Variants in ZNF331 observed in about 807,000 individuals in gnomAD.
ZNF331 encodes the protein zinc finger protein 331, also known as C2H2-like zinc finger protein rearranged in thyroid adenomas.
Under a neutral mutation model 7.0 loss-of-function variants are expected in ZNF331, and 2 were observed. The observed-to-expected ratio is 0.29, with a 90% confidence interval of 0.12 to 0.90. The LOEUF (loss-of-function observed/expected upper bound fraction) is 0.90, where lower values mean the gene tolerates loss of function less well. ZNF331 is among the 40% of genes least tolerant of loss of function. ZNF331 has a pLI of 0.58. For missense variants in ZNF331, 432 were observed against 587.7 expected, an observed-to-expected ratio of 0.74 and a Z score of 2.74; for synonymous variants, 196 against 205.4, an observed-to-expected ratio of 0.95 and a Z score of 0.39.
chr19:53,551,351 T>A (rs2088997268), intron 2 of ZNF331, among the ~76,000 whole-genome samples: 1 of 152,206 alleles, frequency 6.6e-6, no homozygotes, highest in Admixed American at 6.5e-5. Flanking sequence ...CTTTTGTTTC[T>A]GGAACATTAA....
chr19:53,544,254 G>T (rs987049296), intron 2 of ZNF331, among the ~76,000 whole-genome samples: 1 of 147,082 alleles, frequency 6.8e-6, no homozygotes, highest in Non-Finnish European at 1.5e-5. Context: ...AATAAGAATC[G>T]ATATTATTAG....
intron 2 of ZNF331, among the ~76,000 whole-genome samples, chr19:53,540,582 G>A (rs113854647): frequency 4.6e-5 from 7 of 152,108 alleles, no homozygotes; most frequent in South Asian, 2.1e-4. Context: ...ACAGGCACAT[G>A]TCACCATCCG....
the ZNF331 span, among the ~76,000 whole-genome samples, chr19:53,511,366 G>A: frequency 1.3e-5 from 2 of 151,746 alleles, no homozygotes; most frequent in African/African-American, 4.8e-5. Context: ...AATGAAAATA[G>A]GAAAACATAT....
chr19:53,520,532 C>T (rs921044780), upstream of ZNF331, among the ~76,000 whole-genome samples: 8 of 152,206 alleles, frequency 5.3e-5, no homozygotes, highest in Admixed American at 1.3e-4. Flanking sequence ...GGGCTTCCAG[C>T]ATTTGAAGAT....
Position 53,576,842 on chromosome 19 carries a change from C to T in ZNF331, c.282C>T (p.Arg94=). ...ICEGTLERPQ[R]SRGRYVNQMI... is the part of the protein sequence containing the mutation. ...AAGGTACGCTTGAAAGACCACAGCG[C>T]TCCAGAGGGAGGTATGTCAATCAGA... Residue 94 remains arginine (R), a synonymous_variant, in exon 6 of 6, where the codon CGC becomes CGT. Coordinates refer to ENST00000449416, the MANE Select transcript of ZNF331 (RefSeq NM_001079906.2). 6.2e-7 allele frequency: 1 copy of T among 1,614,144 alleles called. No homozygotes were observed. The highest frequency in any genetic ancestry group is 8.5e-7 in the Non-Finnish European group (1 of 1,180,042).
intron 2 of ZNF331, among the ~76,000 whole-genome samples, chr19:53,550,599 C>G (rs532876229): frequency 1.4e-5 from 2 of 141,390 alleles, no homozygotes; most frequent in South Asian, 2.3e-4. Context: ...TGCATTGGCC[C>G]GATCTTGGCT....
At chr19:53,554,659 T>C (rs923533352) in intron 2 of ZNF331, 7 of 152,150 alleles carry the variant, frequency 4.6e-5, no homozygotes, top group Non-Finnish European at 7.3e-5. Flanking sequence ...TCTGCACCGG[T>C]GACGCAACCG....
upstream of ZNF331, among the ~76,000 whole-genome samples, chr19:53,534,517 C>G (rs934407441): frequency 6.6e-6 from 1 of 152,096 alleles, no homozygotes; most frequent in Non-Finnish European, 1.5e-5. Flanking sequence ...GAACTCTTGA[C>G]CTCAAGTGAT....
chr19:53,526,490 A>T (rs1466618596), intron 2 of ZNF331, among the ~76,000 whole-genome samples: 1 of 152,080 alleles, frequency 6.6e-6, no homozygotes, highest in Non-Finnish European at 1.5e-5. Context: ...ATCTTGATAG[A>T]TTATATATTA....
At chr19:53,568,520 A>C (rs1020888829) in intron 3 of ZNF331, among the ~76,000 whole-genome samples, 6 of 152,230 alleles carry the variant, frequency 3.9e-5, no homozygotes, top group African/African-American at 1.2e-4. Flanking sequence ...GCGTGACCAA[A>C]AGCTCCTACC....
At chr19:53,567,148 A>G (rs1205890389) in intron 3 of ZNF331, among the ~76,000 whole-genome samples, 1 of 152,084 alleles carries the variant, frequency 6.6e-6, no homozygotes, top group Admixed American at 6.6e-5. Context: ...TTACTATTTT[A>G]CTTTGATATT....
At position 53,560,561 on chromosome 19, in the gene ZNF331, G is replaced by A. The variant is rs759120751; in HGVS notation, c.-74+4653G>A. Reference sequence around the variant, plus strand: ...TAACAAATTACTGTAGATTATTGGCGTCATACAACACAAATGTATTATCTT... The same window carrying A: ...TAACAAATTACTGTAGATTATTGGCATCATACAACACAAATGTATTATCTT... On this transcript the variant is annotated intron_variant, in intron 3 of 5. Coordinates refer to ENST00000449416, the MANE Select transcript of ZNF331 (RefSeq NM_001079906.2). The surrounding 1 kb of genome is among the most constrained non-coding windows in gnomAD (Gnocchi z 4.3). Among the ~76,000 whole-genome samples the A allele has an allele frequency of 1.5e-4, 23 of 152,232 alleles. No individual in the cohort carries two copies. The highest frequency in any genetic ancestry group is 1.8e-4 in the Non-Finnish European group (12 of 68,010).
rs1374900517 is a variant in ZNF331, at chr19:53,558,938, TAC to T, written c.-74+3036_-74+3037del. ...CATATATACACACACATACACACCA[TAC>T]ACACATATACACATACCATATACAC... On this transcript the variant is annotated intron_variant, in intron 3 of 5. Coordinates refer to ENST00000449416, the MANE Select transcript of ZNF331 (RefSeq NM_001079906.2). This position sits in a 1 kb window ranked among gnomAD's most constrained non-coding sequence, Gnocchi z 4.5. 1.1e-5 allele frequency among the ~76,000 whole-genome samples: 1 copy of T among 95,016 alleles called. No individual in the cohort carries two copies. The highest frequency in any genetic ancestry group is 7.4e-5 in the African/African-American group (1 of 13,480). 62.3% of individuals were successfully genotyped at this position (95,016 alleles called of 152,430 possible).
At chr19:53,551,060 T>A (rs2088974946) in intron 2 of ZNF331, among the ~76,000 whole-genome samples, 1 of 150,510 alleles carries the variant, frequency 6.6e-6, no homozygotes, top group South Asian at 2.1e-4. Context: ...GTCGAACTCC[T>A]GACTTCGTGA....
chr19:53,544,953 C>T (rs1010095801), intron 2 of ZNF331, among the ~76,000 whole-genome samples: 2 of 151,936 alleles, frequency 1.3e-5, no homozygotes, highest in African/African-American at 4.8e-5. Context: ...AGGCTGGTGT[C>T]GAATTTGTGA....
the ZNF331 span, among the ~76,000 whole-genome samples, chr19:53,511,812 G>A: frequency 6.6e-6 from 1 of 152,198 alleles, no homozygotes; most frequent in South Asian, 2.1e-4. Context: ...TATTTGCTGT[G>A]ATTCTACAGA....
rs1279425650 is a variant in ZNF331, at chr19:53,579,815, C to A, written c.*1863C>A. 5.0e-6 allele frequency: 1 copy of A among 198,622 alleles called. No individual in the cohort carries two copies. Among genetic ancestry groups the A allele is most frequent in the Non-Finnish European group, 1.0e-5 (1 of 96,298 alleles). The allele number at this position is 198,622 out of a possible 1,614,324, so 12.3% of individuals were successfully genotyped here. Reference sequence around the variant, plus strand: ...TGATGCTGTTAAGATAGGGAAAAGACAAGAAACAGGACTGGAAGAAGATGT... The same window carrying A: ...TGATGCTGTTAAGATAGGGAAAAGAAAAGAAACAGGACTGGAAGAAGATGT... On this transcript the variant is annotated 3_prime_UTR_variant, in exon 6 of 6. Transcript: ENST00000449416.
chr19:53,567,668 G>T (rs1433077578), intron 3 of ZNF331, among the ~76,000 whole-genome samples: 1 of 151,338 alleles, frequency 6.6e-6, no homozygotes, highest in Non-Finnish European at 1.5e-5. Context: ...GAAATATAGT[G>T]AGACGCAATC....
In ZNF331 at chr19:53,571,299, C is replaced by T. The variant is rs193102371; in HGVS notation, c.10-305C>T. 2.0e-5 allele frequency among the ~76,000 whole-genome samples: 3 copies of T among 152,266 alleles called. No individual in the cohort carries two copies. The highest frequency in any genetic ancestry group is 2.9e-5 in the Non-Finnish European group (2 of 68,030). On this transcript the variant is annotated intron_variant, in intron 4 of 5. Transcript: ENST00000449416. The surrounding 1 kb of genome is among the most constrained non-coding windows in gnomAD (Gnocchi z 4.7). ...TTGTTGAGAACTTATAAGGCAGGCA[C>T]GTAGCAGACACTGCTTGTAAGCAAG...
Sources: allele counts gnomAD v4.1 joint callset (sites outside exome capture counted in the v4.1 genomes callset), GRCh38; gene constraint gnomAD v4.1.1; non-coding constraint Gnocchi (gnomAD v3.1); transcripts MANE v1.5; gene names NCBI Gene and HGNC (gene_info 2026-07-23, HGNC 2026-07-21).